NRG3: variants seen among roughly 807,000 people sequenced by gnomAD.
NRG3 encodes the protein neuregulin 3.
NRG3 carries 31 observed loss-of-function variants against 66.9 expected under a neutral mutation model. That is an observed-to-expected ratio of 0.46 (90% CI 0.35 to 0.63). The LOEUF (loss-of-function observed/expected upper bound fraction) is 0.63, where lower values mean the gene tolerates loss of function less well. Ranked by LOEUF, NRG3 falls within the 20% of genes least tolerant of loss-of-function variation. The probability of loss-of-function intolerance (pLI) is 0.00; values close to 1 mark genes in which losing one functional copy is unlikely to be tolerated. For synonymous variants in NRG3, 393 were observed against 359.4 expected (o/e 1.09, Z -1.06); for missense variants, 910 against 878.9 (o/e 1.04, Z -0.45).
intron 2 of NRG3, among the ~76,000 whole-genome samples, chr10:82,401,670 C>A (rs1039314241): frequency 6.6e-6 from 1 of 152,064 alleles, no homozygotes; most frequent in Non-Finnish European, 1.5e-5. Context: ...AATTCTTGAT[C>A]TTAGAATACC....
intron 2 of NRG3, among the ~76,000 whole-genome samples, chr10:82,524,969 A>G (rs544271162): frequency 5.1e-4 from 78 of 152,002 alleles, no homozygotes; most frequent in African/African-American, 1.8e-3. Flanking sequence ...ATCTTTCACT[A>G]CAATGTGTTT....
At chr10:82,017,826 A>T (rs2061856016) in intron 1 of NRG3, among the ~76,000 whole-genome samples, 1 of 152,030 alleles carries the variant, frequency 6.6e-6, no homozygotes, top group African/African-American at 2.4e-5. Flanking sequence ...TTCTTTGTAG[A>T]TTCTGGATAT....
In NRG3 at chr10:81,945,954, C is replaced by T. The variant is rs574575855; in HGVS notation, c.823+69791C>T. On this transcript the variant is annotated intron_variant, in intron 1 of 8. Coordinates refer to ENST00000372141, the MANE Select transcript of NRG3 (RefSeq NM_001010848.4). ...AAACCACCGGAAGCTAGGAGAGAGG[C>T]ATGGACAGATCCTTCAGAATCTCTC... Among the ~76,000 whole-genome samples, 332 of 152,262 alleles carry T rather than the reference C, an allele frequency of 2.2e-3. 3 individuals carry two copies. Among genetic ancestry groups the T allele is most frequent in the Admixed American group, 7.7e-3 (118 of 15,266 alleles).
At chr10:82,457,278 G>A (rs536248601) in intron 2 of NRG3, among the ~76,000 whole-genome samples, 125 of 152,200 alleles carry the variant, frequency 8.2e-4, no homozygotes, top group Non-Finnish European at 1.6e-3. Flanking sequence ...AGGTGGTAGG[G>A]GAATAGGGGG....
At chr10:82,232,350 G>C (rs532022023) in intron 1 of NRG3, 1 of 158,732 alleles carries the variant, frequency 6.3e-6, no homozygotes, top group East Asian at 1.8e-4. Context: ...CAGAGACTTG[G>C]AACAAAAAAT....
At chr10:82,332,236 A>C (rs1791486890) in intron 1 of NRG3, among the ~76,000 whole-genome samples, 1 of 152,202 alleles carries the variant, frequency 6.6e-6, no homozygotes, top group African/African-American at 2.4e-5. Context: ...TTCACAGTTC[A>C]AAATTTTGAC....
intron 3 of NRG3, among the ~76,000 whole-genome samples, chr10:82,760,784 A>G (rs1433256209): frequency 1.3e-5 from 2 of 152,090 alleles, no homozygotes; most frequent in African/African-American, 4.8e-5. Flanking sequence ...ATTAGAAAAT[A>G]TAATTTTAAC....
chr10:82,967,359 A>G (rs1851307529), intron 6 of NRG3, among the ~76,000 whole-genome samples: 1 of 152,124 alleles, frequency 6.6e-6, no homozygotes, highest in Admixed American at 6.6e-5. Context: ...TAACTACATC[A>G]ATAATTCTAC....
At chr10:82,693,506 G>A (rs775851691) in intron 2 of NRG3, among the ~76,000 whole-genome samples, 12 of 152,078 alleles carry the variant, frequency 7.9e-5, no homozygotes, top group Non-Finnish European at 1.3e-4. Flanking sequence ...TCTTACCAGC[G>A]GTGTGACTGT....
intron 1 of NRG3, among the ~76,000 whole-genome samples, chr10:82,300,741 T>C (rs886477071): frequency 6.6e-6 from 1 of 152,128 alleles, no homozygotes; most frequent in Admixed American, 6.6e-5. Context: ...AGATTCCCAG[T>C]AGGTAGATTA....
chr10:82,130,305 GC>G, intron 1 of NRG3, among the ~76,000 whole-genome samples: 1 of 151,962 alleles, frequency 6.6e-6, no homozygotes, highest in East Asian at 1.9e-4. Context: ...GTATACATGT[GC>G]CTTGTTGGTG....
intron 1 of NRG3, among the ~76,000 whole-genome samples, chr10:82,072,703 G>C (rs959961088): frequency 7.4e-6 from 1 of 135,678 alleles, no homozygotes; most frequent in Non-Finnish European, 1.6e-5. Context: ...CTTTTTTTTT[G>C]CTTCATTATT....
At chr10:81,921,072 A>G (rs747932763) in intron 1 of NRG3, among the ~76,000 whole-genome samples, 82 of 152,156 alleles carry the variant, frequency 5.4e-4, no homozygotes, top group South Asian at 6.2e-4. Context: ...ATTTTAAAAT[A>G]TTGATATTGA....
intron 1 of NRG3, among the ~76,000 whole-genome samples, chr10:81,920,793 A>G (rs1280338736): frequency 1.3e-5 from 2 of 152,126 alleles, no homozygotes; most frequent in Non-Finnish European, 2.9e-5. Context: ...ATGTTTTGTG[A>G]ACATTTTTCC....
intron 3 of NRG3, among the ~76,000 whole-genome samples, chr10:82,819,033 C>T (rs1033433361): frequency 2.0e-5 from 3 of 152,102 alleles, no homozygotes; most frequent in African/African-American, 7.2e-5. Context: ...CCTAAGTAAT[C>T]ATGATGATGC....
At chr10:82,795,564 A>G (rs1475894680) in intron 3 of NRG3, among the ~76,000 whole-genome samples, 1 of 152,204 alleles carries the variant, frequency 6.6e-6, no homozygotes, top group Non-Finnish European at 1.5e-5. Flanking sequence ...TGGCTTTTAT[A>G]GGTGATACAT....
chr10:82,195,582 A>T (rs2074402758), intron 1 of NRG3, among the ~76,000 whole-genome samples: 1 of 152,132 alleles, frequency 6.6e-6, no homozygotes. Context: ...TATTTGTCTG[A>T]ATATGGTGGG....
At chr10:82,066,317 A>G (rs2064459045) in intron 1 of NRG3, among the ~76,000 whole-genome samples, 1 of 152,240 alleles carries the variant, frequency 6.6e-6, no homozygotes. Flanking sequence ...ATTTTCATGT[A>G]TTATATATGC....
chr10:82,757,806 C>T (rs188329166), intron 3 of NRG3, among the ~76,000 whole-genome samples: 2 of 151,824 alleles, frequency 1.3e-5, no homozygotes, highest in Admixed American at 6.6e-5. Flanking sequence ...GGAATAATTG[C>T]TCTCACTCTA....
Sources: gnomAD v4.1 joint callset for allele counts (sites outside exome capture counted in the v4.1 genomes callset) on GRCh38, gnomAD v4.1.1 for gene constraint, MANE v1.5 for transcripts, NCBI Gene and HGNC (gene_info 2026-07-23, HGNC 2026-07-21) for gene names.